The following FSTL4 variants were observed in gnomAD, a reference collection of about 807,000 sequenced individuals.
FSTL4 encodes the protein follistatin-related protein 4.
Under a neutral mutation model 78.2 loss-of-function variants are expected in FSTL4, and 28 were observed. The ratio of observed to expected loss-of-function variants is 0.36; its 90% CI spans 0.27 to 0.49. The LOEUF (loss-of-function observed/expected upper bound fraction) is 0.49. Among genes scored for constraint, FSTL4 ranks in the 20% least tolerant of loss-of-function variants. FSTL4 has a pLI of 0.98. For missense variants in FSTL4, 922 were observed against 1,084.9 expected (o/e 0.85, Z 2.11); for synonymous variants, 422 against 440.5 (o/e 0.96, Z 0.53).
chr5:133,243,524 C>A (rs73277992), intron 7 of FSTL4, among the ~76,000 whole-genome samples: 4 of 152,212 alleles, frequency 2.6e-5, no homozygotes, highest in African/African-American at 9.6e-5. Flanking sequence ...GAACTACAGA[C>A]AGCCCCACAG....
At chr5:133,480,367 T>G (rs1182540668) in intron 3 of FSTL4, among the ~76,000 whole-genome samples, 1 of 152,198 alleles carries the variant, frequency 6.6e-6, no homozygotes, top group Non-Finnish European at 1.5e-5. Flanking sequence ...TACTACTATT[T>G]GAGTTTCTCG....
chr5:133,777,384 C>A, the FSTL4 span, among the ~76,000 whole-genome samples: 1 of 152,170 alleles, frequency 6.6e-6, no homozygotes, highest in Non-Finnish European at 1.5e-5. Flanking sequence ...TGGGACGTAG[C>A]GTGACATTTC....
chr5:133,569,144 T>C (rs924587397), intron 2 of FSTL4, among the ~76,000 whole-genome samples: 6 of 152,238 alleles, frequency 3.9e-5, no homozygotes, highest in Non-Finnish European at 7.3e-5. Flanking sequence ...TAAATTTTAC[T>C]GTTTGTAATA....
intron 14 of FSTL4, among the ~76,000 whole-genome samples, chr5:133,206,431 C>A (rs1027720199): frequency 3.3e-5 from 5 of 152,170 alleles, no homozygotes; most frequent in Non-Finnish European, 7.3e-5. Flanking sequence ...TCTCGGCTCA[C>A]TGCAACCTCC....
chr5:133,469,919 A>G (rs1318946749), intron 3 of FSTL4, among the ~76,000 whole-genome samples: 1 of 151,950 alleles, frequency 6.6e-6, no homozygotes, highest in Non-Finnish European at 1.5e-5. Flanking sequence ...TTGAAGCGCT[A>G]TATGTGGAAA....
the FSTL4 span, among the ~76,000 whole-genome samples, chr5:133,777,541 C>T: frequency 1.3e-5 from 2 of 152,328 alleles, no homozygotes; most frequent in South Asian, 4.1e-4. Flanking sequence ...AATGCCACTT[C>T]TAATCCCAGT....
chr5:133,717,486 T>C, the FSTL4 span, among the ~76,000 whole-genome samples: 3 of 152,348 alleles, frequency 2.0e-5, no homozygotes, highest in African/African-American at 4.8e-5. Flanking sequence ...TGATGCATTT[T>C]GATAAATTTC....
intron 6 of FSTL4, among the ~76,000 whole-genome samples, chr5:133,269,568 C>G (rs1752722727): frequency 6.6e-6 from 1 of 152,234 alleles, no homozygotes; most frequent in Admixed American, 6.5e-5. Flanking sequence ...GGCAGCTGGA[C>G]TTGAAGGATA....
chr5:133,527,033 T>A (rs1302357138), intron 3 of FSTL4, among the ~76,000 whole-genome samples: 4 of 152,132 alleles, frequency 2.6e-5, no homozygotes, highest in African/African-American at 9.7e-5. Flanking sequence ...GAATCCTGAG[T>A]GCAGCCCTCT....
intron 6 of FSTL4, among the ~76,000 whole-genome samples, chr5:133,261,121 A>T (rs185012105): frequency 2.3e-4 from 35 of 152,344 alleles, no homozygotes; most frequent in Non-Finnish European, 7.4e-5. Context: ...CATTAACAGA[A>T]AATCCTGACT....
chr5:133,512,762 G>T (rs570707660), intron 3 of FSTL4, among the ~76,000 whole-genome samples: 4 of 152,122 alleles, frequency 2.6e-5, no homozygotes, highest in Non-Finnish European at 5.9e-5. Context: ...AGCCTTAGTT[G>T]CCAACAGGGA....
At chr5:133,320,940 C>T (rs1049836176) in intron 4 of FSTL4, among the ~76,000 whole-genome samples, 2 of 140,744 alleles carry the variant, frequency 1.4e-5, no homozygotes, top group East Asian at 2.1e-4. Context: ...CCGGGAGGCA[C>T]AGCTTGCAGT....
intron 8 of FSTL4, among the ~76,000 whole-genome samples, chr5:133,229,866 C>CG (rs1554097972): frequency 6.6e-6 from 1 of 152,090 alleles, no homozygotes; most frequent in Non-Finnish European, 1.5e-5. Flanking sequence ...GCCCTACCCT[C>CG]ATGGAGCTTT....
At chr5:133,472,486 A>T (rs899834525) in intron 3 of FSTL4, among the ~76,000 whole-genome samples, 3 of 152,224 alleles carry the variant, frequency 2.0e-5, no homozygotes, top group Admixed American at 6.5e-5. Context: ...CTGATGATAA[A>T]AGAAATCATA....
At chr5:133,821,044 T>A in the FSTL4 span, among the ~76,000 whole-genome samples, 1 of 152,264 alleles carries the variant, frequency 6.6e-6, no homozygotes, top group Non-Finnish European at 1.5e-5. Context: ...CTTGTTATAA[T>A]GTATCCCTTT....
chr5:133,807,032 A>G, the FSTL4 span, among the ~76,000 whole-genome samples: 4 of 151,656 alleles, frequency 2.6e-5, no homozygotes, highest in African/African-American at 7.2e-5. Flanking sequence ...ATGAATATGC[A>G]TAAGTTTCAT....
intron 7 of FSTL4, among the ~76,000 whole-genome samples, chr5:133,241,846 C>CT (rs1751882753): frequency 6.6e-6 from 1 of 152,198 alleles, no homozygotes; most frequent in Non-Finnish European, 1.5e-5. Context: ...GCTCCTGACT[C>CT]TAACTTGGAC....
At chr5:133,739,895 C>G in the FSTL4 span, among the ~76,000 whole-genome samples, 1 of 138,426 alleles carries the variant, frequency 7.2e-6, no homozygotes, top group African/African-American at 2.7e-5. Context: ...TAAGCTCTGT[C>G]TTTTTTTTTT....
intron 3 of FSTL4, among the ~76,000 whole-genome samples, chr5:133,566,109 G>T (rs1760021947): frequency 6.6e-6 from 1 of 152,164 alleles, no homozygotes; most frequent in Admixed American, 6.5e-5. Context: ...TGGCAAATGG[G>T]AATGTAAGCC....
Sources: gnomAD v4.1 joint callset for allele counts (sites outside exome capture counted in the v4.1 genomes callset) on GRCh38, gnomAD v4.1.1 for gene constraint, MANE v1.5 for transcripts, NCBI Gene and HGNC (gene_info 2026-07-23, HGNC 2026-07-21) for gene names.